Variants in SLC39A10 observed in about 807,000 individuals in gnomAD.
SLC39A10 encodes zinc transporter ZIP10.
Under a neutral mutation model 65.1 loss-of-function variants are expected in SLC39A10, and 13 were observed. The ratio of observed to expected loss-of-function variants is 0.20; its 90% CI spans 0.13 to 0.32. The LOEUF is 0.32. SLC39A10 is among the 10% of genes least tolerant of loss of function. SLC39A10 has a pLI of 1.00. For missense variants in SLC39A10, 831 were observed against 1,018.4 expected (o/e 0.82, Z 2.50); for synonymous variants, 321 against 342.2 (o/e 0.94, Z 0.68).
At chr2:195,671,987 T>C (rs1689878836) in intron 1 of SLC39A10, among the ~76,000 whole-genome samples, 1 of 152,096 alleles carries the variant, frequency 6.6e-6, no homozygotes, top group African/African-American at 2.4e-5. Flanking sequence ...CCAAGTGATT[T>C]AATATGGAGT....
At chr2:195,708,084 C>T (rs951985226) in intron 4 of SLC39A10, among the ~76,000 whole-genome samples, 3 of 152,010 alleles carry the variant, frequency 2.0e-5, no homozygotes, top group African/African-American at 7.2e-5. Flanking sequence ...GAGATAGCGA[C>T]CTTATTACCT....
intron 2 of SLC39A10, among the ~76,000 whole-genome samples, chr2:195,628,085 G>A (rs1688511402): frequency 6.6e-6 from 1 of 152,158 alleles, no homozygotes; most frequent in East Asian, 1.9e-4. Context: ...TATAATTAAA[G>A]CATACATTGA....
intron 3 of SLC39A10, among the ~76,000 whole-genome samples, chr2:195,689,966 C>T (rs1411602360): frequency 6.6e-6 from 1 of 152,038 alleles, no homozygotes; most frequent in Non-Finnish European, 1.5e-5. Flanking sequence ...CACCTGAGGT[C>T]AGGAGTTCGA....
At chr2:195,706,391 G>T (rs141335853) in intron 3 of SLC39A10, among the ~76,000 whole-genome samples, 2 of 149,368 alleles carry the variant, frequency 1.3e-5, no homozygotes, top group African/African-American at 2.5e-5. Flanking sequence ...GCCATTGAAG[G>T]TACTATTTAT....
chr2:195,662,158 T>A (rs988975375), intron 1 of SLC39A10, among the ~76,000 whole-genome samples: 2 of 152,170 alleles, frequency 1.3e-5, no homozygotes, highest in Non-Finnish European at 2.9e-5. Flanking sequence ...ATAATGAAGA[T>A]TTAATCAGTG....
chr2:195,655,232 G>C, upstream of SLC39A10, among the ~76,000 whole-genome samples: 1 of 152,108 alleles, frequency 6.6e-6, no homozygotes, highest in East Asian at 1.9e-4. Flanking sequence ...TGAGAAGCAT[G>C]GGGGGATACC....
At chr2:195,721,023 C>A (rs1157580421) in intron 8 of SLC39A10, among the ~76,000 whole-genome samples, 1 of 152,148 alleles carries the variant, frequency 6.6e-6, no homozygotes, top group Admixed American at 6.5e-5. Flanking sequence ...CTTAGTGCAG[C>A]CTTGACCTCC....
intron 3 of SLC39A10, 91 bp from the exon 4 acceptor site, chr2:195,706,525 A>G (rs1691401359): frequency 5.6e-6 from 7 of 1,254,394 alleles, no homozygotes; most frequent in Non-Finnish European, 5.5e-6. Flanking sequence ...TCTACCTTCT[A>G]CGATTCATTT....
intron 2 of SLC39A10, among the ~76,000 whole-genome samples, chr2:195,621,480 G>A (rs893830346): frequency 1.3e-5 from 2 of 152,162 alleles, no homozygotes; most frequent in South Asian, 2.1e-4. Context: ...TGAATTCAGC[G>A]TAGGGGCAAG....
At chr2:195,727,014 A>G (rs1453566160) in intron 8 of SLC39A10, among the ~76,000 whole-genome samples, 1 of 152,142 alleles carries the variant, frequency 6.6e-6, no homozygotes, top group Non-Finnish European at 1.5e-5. Context: ...TCGACCCATT[A>G]GCTTCAATAC....
At chr2:195,638,334 C>T (rs1559011031) in intron 2 of SLC39A10, among the ~76,000 whole-genome samples, 1 of 150,734 alleles carries the variant, frequency 6.6e-6, no homozygotes, top group African/African-American at 2.4e-5. Flanking sequence ...CTTTTTTAAA[C>T]TTTTTTTTTA....
At chr2:195,722,664 G>A (rs901764496) in intron 8 of SLC39A10, among the ~76,000 whole-genome samples, 1 of 152,232 alleles carries the variant, frequency 6.6e-6, no homozygotes, top group Non-Finnish European at 1.5e-5. Flanking sequence ...AGCATGGGCA[G>A]ATAGAGCCAG....
At chr2:195,617,148 C>T (rs1029334598) in intron 2 of SLC39A10, among the ~76,000 whole-genome samples, 1 of 152,132 alleles carries the variant, frequency 6.6e-6, no homozygotes, top group Non-Finnish European at 1.5e-5. Flanking sequence ...ACAGCTCCAC[C>T]TTTTTACTTT....
At chr2:195,681,193 T>C in intron 2 of SLC39A10, 143 bp downstream of exon 2, 1 of 888,104 alleles carries the variant, frequency 1.1e-6, no homozygotes, top group East Asian at 2.7e-5. Flanking sequence ...TCAGGTAATG[T>C]TCATGAACAG....
chr2:195,691,586 C>T (rs999610544), intron 3 of SLC39A10, among the ~76,000 whole-genome samples: 2 of 151,966 alleles, frequency 1.3e-5, no homozygotes, highest in Non-Finnish European at 1.5e-5. Context: ...TATCACATTG[C>T]GGTTTTGATT....
intron 3 of SLC39A10, among the ~76,000 whole-genome samples, chr2:195,692,314 C>T (rs116754022): frequency 0.018 from 2,755 of 152,156 alleles, 77 homozygotes; most frequent in African/African-American, 0.062. Flanking sequence ...CTTAGTCTTG[C>T]ATTGGCCCTG....
chr2:195,696,333 A>AC (rs1314943668), intron 3 of SLC39A10, among the ~76,000 whole-genome samples: 1 of 138,324 alleles, frequency 7.2e-6, no homozygotes, highest in Non-Finnish European at 1.6e-5. Flanking sequence ...AAAAAAAAAA[A>AC]AACCTATCAT....
intron 1 of SLC39A10, among the ~76,000 whole-genome samples, chr2:195,673,084 AGGC>A (rs1689933193): frequency 6.6e-6 from 1 of 152,240 alleles, no homozygotes; most frequent in Non-Finnish European, 1.5e-5. Context: ...ATTGTTTTAT[AGGC>A]TATTTTAAAA....
In SLC39A10 at chr2:195,671,808, C is replaced by G. The variant is rs143296207; in HGVS notation, c.-11-8224C>G. On this transcript the variant is annotated intron_variant, in intron 1 of 9. Transcript: ENST00000359634. The stretch of plus-strand genomic sequence containing the variant: ...GGAATGTGATGAGAAGTGATGCCTG[C>G]AACTTCTACTTCCCTTGATACTGAA... 11 of 152,374 alleles carry G rather than the reference C, an allele frequency of 7.2e-5. No homozygotes were observed. The East Asian group carries it at 2.1e-3, about 29-fold the overall frequency. The allele number at this position is 152,374 out of a possible 1,614,324, so 9.4% of individuals were successfully genotyped here.
Sources: allele counts gnomAD v4.1 joint callset (sites outside exome capture counted in the v4.1 genomes callset), GRCh38; gene constraint gnomAD v4.1.1; transcripts MANE v1.5; gene names NCBI Gene and HGNC (gene_info 2026-07-23, HGNC 2026-07-21).